The following HNRNPA1L2 variants were observed in gnomAD, a reference collection of about 807,000 sequenced individuals.
HNRNPA1L2 encodes heterogeneous nuclear ribonucleoprotein A1 like 2, also known as heterogeneous nuclear ribonucleoprotein A1-like 2.
A neutral mutation model predicts 18.2 loss-of-function variants in HNRNPA1L2; 10 were observed. That is an observed-to-expected ratio of 0.55 (90% CI 0.34 to 0.93). The LOEUF (loss-of-function observed/expected upper bound fraction) is 0.93. Among genes scored for constraint, HNRNPA1L2 ranks in the 40% least tolerant of loss-of-function variants. The pLI, the probability that HNRNPA1L2 is intolerant of heterozygous loss-of-function variation, is 0.02. For missense variants in HNRNPA1L2, 308 were observed against 394.4 expected (o/e 0.78, Z 1.85); for synonymous variants, 124 against 138.6 (o/e 0.89, Z 0.74).
chr13:52,634,407 A>C, the HNRNPA1L2 span, among the ~76,000 whole-genome samples: 1 of 152,246 alleles, frequency 6.6e-6, no homozygotes, highest in Non-Finnish European at 1.5e-5. Flanking sequence ...TTTATAAAAC[A>C]GTATCAAATG....
At chr13:52,635,949 G>A in the HNRNPA1L2 span, among the ~76,000 whole-genome samples, 2 of 150,646 alleles carry the variant, frequency 1.3e-5, no homozygotes, top group African/African-American at 2.4e-5. Context: ...CATTTCTCCT[G>A]CCTCAGTCTC....
At chr13:52,625,515 T>A in the HNRNPA1L2 span, among the ~76,000 whole-genome samples, 1 of 152,202 alleles carries the variant, frequency 6.6e-6, no homozygotes, top group Non-Finnish European at 1.5e-5. Context: ...CTCCCTACAA[T>A]TTTTATTAAT....
the HNRNPA1L2 span, among the ~76,000 whole-genome samples, chr13:52,618,638 G>A: frequency 6.6e-6 from 1 of 152,184 alleles, no homozygotes; most frequent in Non-Finnish European, 1.5e-5. Flanking sequence ...CAGATCCGGG[G>A]TTGAGAAAGA....
In HNRNPA1L2 at chr13:52,643,262, G is replaced by A. The variant is rs1376182140; in HGVS notation, c.770G>A (p.Gly257Asp). 1 of 1,592,368 alleles carries A rather than the reference G, an allele frequency of 6.3e-7. No individual in the cohort carries two copies. Among genetic ancestry groups the A allele is most frequent in the Non-Finnish European group, 8.5e-7 (1 of 1,175,150 alleles). ...AATGATGGAAGCAATTTTGGAGGTGGTGGAAGCTACAATGATTTTGGCAAT... is the reference window on the plus strand; with the variant it reads ...AATGATGGAAGCAATTTTGGAGGTGATGGAAGCTACAATGATTTTGGCAAT... The part of the protein sequence containing the change: ...FGNDGSNFGG[G>D]GSYNDFGNYN... The change falls in exon 1 of 1, where the codon GGT becomes GAT. Residue 257 changes from glycine (G) to aspartate (D), a missense_variant. Transcript: ENST00000357495.
chr13:52,639,901 T>G (rs12397527), upstream of HNRNPA1L2, among the ~76,000 whole-genome samples: 51 of 143,060 alleles, frequency 3.6e-4, no homozygotes, highest in East Asian at 5.5e-3. Context: ...TTTTTGTTTT[T>G]TTTTTTTTGA....
chr13:52,630,252 A>G, the HNRNPA1L2 span, among the ~76,000 whole-genome samples: 1 of 152,212 alleles, frequency 6.6e-6, no homozygotes, highest in African/African-American at 2.4e-5. Context: ...ATGGTCTGAC[A>G]AAAGTTAACG....
At chr13:52,638,263 T>A (rs1267578400), upstream of HNRNPA1L2, among the ~76,000 whole-genome samples, 4 of 152,312 alleles carry the variant, frequency 2.6e-5, no homozygotes, top group East Asian at 5.8e-4. Context: ...ACTCACTTAC[T>A]TGCTTATTAA....
chr13:52,627,244 G>A, the HNRNPA1L2 span, among the ~76,000 whole-genome samples: 1 of 152,044 alleles, frequency 6.6e-6, no homozygotes, highest in African/African-American at 2.4e-5. Context: ...TTCTGAATTA[G>A]CATTTCAAAG....
At chr13:52,635,699 T>A in the HNRNPA1L2 span, among the ~76,000 whole-genome samples, 2 of 151,818 alleles carry the variant, frequency 1.3e-5, no homozygotes, top group East Asian at 3.9e-4. Context: ...ATAAATGAAA[T>A]CACACAGTAC....
At chr13:52,642,284 T>C, upstream of HNRNPA1L2, 1 of 658,690 alleles carries the variant, frequency 1.5e-6, no homozygotes, top group East Asian at 2.6e-5. Context: ...TGAAGTATCC[T>C]ACTGTTATGT....
At chr13:52,633,920 C>G in the HNRNPA1L2 span, among the ~76,000 whole-genome samples, 1 of 152,170 alleles carries the variant, frequency 6.6e-6, no homozygotes, top group Non-Finnish European at 1.5e-5. Flanking sequence ...GATTTTCCCC[C>G]TATTTAATAA....
chr13:52,632,073 CTT>C, the HNRNPA1L2 span, among the ~76,000 whole-genome samples: 15 of 152,076 alleles, frequency 9.9e-5, no homozygotes, highest in African/African-American at 3.4e-4. Flanking sequence ...AGTGTTGACT[CTT>C]TTTAACAGCT....
At chr13:52,624,913 C>T in the HNRNPA1L2 span, among the ~76,000 whole-genome samples, 2 of 151,910 alleles carry the variant, frequency 1.3e-5, no homozygotes, top group African/African-American at 2.4e-5. Flanking sequence ...GGACTGTAAT[C>T]GCAGTTACTC....
upstream of HNRNPA1L2, among the ~76,000 whole-genome samples, chr13:52,638,520 G>T (rs546767669): frequency 1.2e-4 from 18 of 150,980 alleles, no homozygotes; most frequent in African/African-American, 4.5e-4. Context: ...TCTAAAGAAT[G>T]TATTATCTTA....
At chr13:52,627,340 A>AT in the HNRNPA1L2 span, 1 of 153,070 alleles carries the variant, frequency 6.5e-6, no homozygotes, top group Non-Finnish European at 1.5e-5. Context: ...TCAACAGAAA[A>AT]TTTTCCCCCC....
chr13:52,618,902 TTC>T, the HNRNPA1L2 span, among the ~76,000 whole-genome samples: 1 of 152,236 alleles, frequency 6.6e-6, no homozygotes. Context: ...GTAGATTGCT[TTC>T]TGTGGTATGA....
chr13:52,635,232 G>A, the HNRNPA1L2 span, among the ~76,000 whole-genome samples: 1 of 152,062 alleles, frequency 6.6e-6, no homozygotes, highest in South Asian at 2.1e-4. Flanking sequence ...ATAAAATAAG[G>A]CTTACCCAGG....
the HNRNPA1L2 span, among the ~76,000 whole-genome samples, chr13:52,635,899 C>T: frequency 4.0e-5 from 6 of 149,558 alleles, no homozygotes; most frequent in South Asian, 4.2e-4. Context: ...GGCGCGACCT[C>T]GGCTCACTGC....
rs1308124543 is a variant in HNRNPA1L2, at chr13:52,643,371, C to G, written c.879C>G (p.Gly293=). 6.3e-7 allele frequency: 1 copy of G among 1,598,334 alleles called. No individual in the cohort carries two copies. The highest frequency in any genetic ancestry group is 8.5e-7 in the Non-Finnish European group (1 of 1,179,752). Residue 293 remains glycine (G), a synonymous_variant, in exon 1 of 1, where the codon GGC becomes GGG. Coordinates refer to ENST00000357495, the MANE Select transcript of HNRNPA1L2 (RefSeq NM_001389320.1). ...GCTCTGGCCCCTATGGCGGTGGAGGCCAATACTTTGCAAAACCACAAAACC... is the reference window on the plus strand; with the variant it reads ...GCTCTGGCCCCTATGGCGGTGGAGGGCAATACTTTGCAAAACCACAAAACC... The part of the protein sequence containing the change: ...GRSSGPYGGG[G]QYFAKPQNQG...
Sources: allele counts gnomAD v4.1 joint callset (sites outside exome capture counted in the v4.1 genomes callset), GRCh38; gene constraint gnomAD v4.1.1; transcripts MANE v1.5; gene names NCBI Gene and HGNC (gene_info 2026-07-23, HGNC 2026-07-21).